Variants in DGKZ observed in about 807,000 individuals in gnomAD.
DGKZ encodes diacylglycerol kinase zeta, also known as DAG kinase zeta.
A neutral mutation model predicts 142.5 loss-of-function variants in DGKZ; 45 were observed. The ratio of observed to expected loss-of-function variants is 0.32; its 90% confidence interval spans 0.25 to 0.40. The LOEUF is 0.40. DGKZ is among the 10% of genes least tolerant of loss of function. The probability of loss-of-function intolerance (pLI) is 1.00; values close to 1 mark genes in which losing one functional copy is unlikely to be tolerated. For missense variants in DGKZ, 755 were observed against 1,306.5 expected (o/e 0.58, Z 6.51); for synonymous variants, 442 against 527.0 (o/e 0.84, Z 2.21).
chr11:46,370,775 T>C (rs926322577), intron 6 of DGKZ, among the ~76,000 whole-genome samples: 1 of 151,964 alleles, frequency 6.6e-6, no homozygotes, highest in Non-Finnish European at 1.5e-5. Context: ...TTATACATAT[T>C]TTTTTTTATT....
intron 14 of DGKZ, 77 bp from the exon 15 acceptor site, chr11:46,374,080 C>T: frequency 6.6e-7 from 1 of 1,517,402 alleles, no homozygotes; most frequent in Non-Finnish European, 9.1e-7. Context: ...GCTGAGCTGG[C>T]TCGGCCACAC....
rs926367627 is a variant in DGKZ at position 46,365,460 on chromosome 11, T to C, written c.162-1831T>C. The C allele has an allele frequency of 3.0e-6, 3 of 985,304 alleles. No individual in the cohort carries two copies. The African/African-American group carries it at 5.2e-5, about 17-fold the overall frequency. 61.0% of individuals were successfully genotyped at this position (985,304 alleles called of 1,614,324 possible). A position where few individuals can be genotyped will look rare whatever the true frequency, so the allele number is the denominator to read the frequency against. ...CACACACCCAGAATCCAGAAGGCTTTGCTTTTGGCCCAAGCCTATTGTCAC... is the reference window on the plus strand; with the variant it reads ...CACACACCCAGAATCCAGAAGGCTTCGCTTTTGGCCCAAGCCTATTGTCAC... On this transcript the variant is annotated intron_variant, in intron 1 of 30. Coordinates refer to ENST00000527911, the Ensembl canonical transcript of DGKZ.
chr11:46,373,074 G>A (rs1408630363), exon 14 of DGKZ: 1 of 1,543,968 alleles, frequency 6.5e-7, no homozygotes, highest in African/African-American at 1.4e-5. Flanking sequence ...CAGGGCCTGA[G>A]GACCGAGATG....
intron 1 of DGKZ, among the ~76,000 whole-genome samples, chr11:46,337,670 G>A (rs1295519007): frequency 6.6e-6 from 1 of 152,018 alleles, no homozygotes; most frequent in East Asian, 1.9e-4. Flanking sequence ...ACGCCTCCAT[G>A]CTAAAAACCT....
chr11:46,368,097 C>G lies in DGKZ; in HGVS notation c.444+18C>G. ...TGGAGAAGGTGGGTGGGTAGCTCAG[C>G]TTTGCCCGCCCCTGCCCTTTGGGTG... On this transcript the variant is annotated intron_variant, in intron 4 of 30. Transcript: ENST00000527911. The G allele has an allele frequency of 6.2e-7, 1 of 1,613,626 alleles. No homozygotes were observed. The highest frequency in any genetic ancestry group is 8.5e-7 in the Non-Finnish European group (1 of 1,179,638).
chr11:46,377,350 A>C, intron 25 of DGKZ, 138 bp downstream of exon 25: 1 of 1,409,518 alleles, frequency 7.1e-7, no homozygotes, highest in Non-Finnish European at 9.3e-7. Context: ...AGCCCACCTG[A>C]CGGCCTTCAG....
intron 1 of DGKZ, chr11:46,366,425 C>A: frequency 6.5e-7 from 1 of 1,541,864 alleles, no homozygotes; most frequent in East Asian, 2.4e-5. Context: ...CGCCCAGCTC[C>A]AGGGCTGCCT....
At chr11:46,353,911 G>T (rs544351433) in intron 1 of DGKZ, among the ~76,000 whole-genome samples, 1 of 152,202 alleles carries the variant, frequency 6.6e-6, no homozygotes, top group Non-Finnish European at 1.5e-5. Context: ...CCAGCATCTC[G>T]CGGGTTAACA....
At chr11:46,345,078 G>A (rs56692163), upstream of DGKZ, among the ~76,000 whole-genome samples, 2,476 of 152,318 alleles carry the variant, frequency 0.016, 62 homozygotes, top group African/African-American at 0.057. The surrounding 1 kb of genome is among the most constrained non-coding windows in gnomAD (Gnocchi z 4.1). Flanking sequence ...ATTGTACCTG[G>A]TGGTTGTCAT....
intron 1 of DGKZ, among the ~76,000 whole-genome samples, chr11:46,356,456 G>C (rs1276389589): frequency 6.6e-6 from 1 of 152,168 alleles, no homozygotes; most frequent in Non-Finnish European, 1.5e-5. Flanking sequence ...CTCTGGGGAT[G>C]CCATTAGAAG....
chr11:46,351,865 A>AG (rs1941429732), intron 1 of DGKZ, among the ~76,000 whole-genome samples: 1 of 152,200 alleles, frequency 6.6e-6, no homozygotes, highest in Non-Finnish European at 1.5e-5. Flanking sequence ...AAACGCTGTC[A>AG]GGGGAGGGAA....
At chr11:46,365,760 G>A in intron 1 of DGKZ, 1 of 985,416 alleles carries the variant, frequency 1.0e-6, no homozygotes, top group Non-Finnish European at 1.2e-6. Flanking sequence ...CCATGTTGGT[G>A]GCAAAACAAA....
chr11:46,347,867 C>T lies in DGKZ; in HGVS notation c.161+47C>T. On this transcript the variant is annotated intron_variant, in intron 1 of 30. Coordinates refer to ENST00000527911, the Ensembl canonical transcript of DGKZ. This position sits in a 1 kb window ranked among gnomAD's most constrained non-coding sequence, Gnocchi z 6.4. ...CAGGCACCGAGGCACCGGCAGGTTA[C>T]CGCTCCCTCACCGGGGGACATTCCT... 2 of 1,269,954 alleles carry T rather than the reference C, an allele frequency of 1.6e-6. No homozygotes were observed. The highest frequency in any genetic ancestry group is 2.0e-6 in the Non-Finnish European group (2 of 1,006,096). The allele number at this position is 1,269,954 out of a possible 1,614,324, so 78.7% of individuals were successfully genotyped here.
At chr11:46,357,852 G>A (rs144108768) in intron 1 of DGKZ, among the ~76,000 whole-genome samples, 5 of 152,354 alleles carry the variant, frequency 3.3e-5, no homozygotes, top group African/African-American at 9.6e-5. Flanking sequence ...GCCAGTATTC[G>A]GGGCAGAAGG....
intron 1 of DGKZ, chr11:46,365,949 C>G (rs1028834240): frequency 2.0e-6 from 2 of 985,230 alleles, no homozygotes; most frequent in African/African-American, 3.5e-5. Flanking sequence ...CCTGAAGCAC[C>G]CACCTCCCTG....
Position 46,363,030 on chromosome 11 carries a change from T to C in DGKZ, c.162-4261T>C, listed in dbSNP as rs145145944. Among the ~76,000 whole-genome samples, 888 of 152,282 alleles carry C rather than the reference T, an allele frequency of 5.8e-3. 4 individuals are homozygous for C. The highest frequency in any genetic ancestry group is 0.021 in the South Asian group (99 of 4,818). ...ACCCGGAGACCGAGGGACAGCCATT[T>C]TGCTGTGCTCTTGGTGTTGAAGCCC... On this transcript the variant is annotated intron_variant, in intron 1 of 30. Transcript: ENST00000527911.
At chr11:46,358,755 CT>C (rs1325391805) in intron 1 of DGKZ, among the ~76,000 whole-genome samples, 2 of 152,160 alleles carry the variant, frequency 1.3e-5, no homozygotes, top group African/African-American at 2.4e-5. Context: ...TTTTGGAAAC[CT>C]TTTATTCACT....
intron 1 of DGKZ, among the ~76,000 whole-genome samples, chr11:46,362,373 CCG>C (rs1160097790): frequency 6.6e-6 from 1 of 152,178 alleles, no homozygotes; most frequent in East Asian, 1.9e-4. Flanking sequence ...ACACCTGTGG[CCG>C]GCTCTGTTCC....
intron 5 of DGKZ, 51 bp downstream of exon 5, chr11:46,369,601 G>A: frequency 1.9e-6 from 3 of 1,608,024 alleles, no homozygotes; most frequent in Non-Finnish European, 2.5e-6. Context: ...TTCCTGCATG[G>A]GCCTCTGCGC....
Sources: gnomAD v4.1 joint callset for allele counts (sites outside exome capture counted in the v4.1 genomes callset) on GRCh38, gnomAD v4.1.1 for gene constraint, Gnocchi (gnomAD v3.1) non-coding constraint, MANE v1.5 for transcripts, NCBI Gene and HGNC (gene_info 2026-07-23, HGNC 2026-07-21) for gene names.